Variants in TNR observed in about 807,000 individuals in gnomAD.
The protein encoded by TNR is tenascin R.
In TNR, 45 loss-of-function variants were observed where a neutral mutation model predicts 150.4. The ratio of observed to expected loss-of-function variants is 0.30; its 90% confidence interval spans 0.24 to 0.38. The LOEUF is 0.38. TNR is among the 10% of genes least tolerant of loss of function. TNR has a pLI of 1.00. For missense variants in TNR, 1,544 were observed against 1,759.1 expected (o/e 0.88, Z 2.19); for synonymous variants, 687 against 678.4 (o/e 1.01, Z -0.20).
chr1:175,644,655 C>T (rs902681341), intron 1 of TNR, among the ~76,000 whole-genome samples: 4 of 152,234 alleles, frequency 2.6e-5, no homozygotes, highest in Non-Finnish European at 5.9e-5. Context: ...TGCAACCAGG[C>T]TAGGCAACTC....
chr1:175,669,759 C>T (rs1558064225), intron 1 of TNR, among the ~76,000 whole-genome samples: 1 of 152,096 alleles, frequency 6.6e-6, no homozygotes, highest in Admixed American at 6.6e-5. Flanking sequence ...TGGGAGTAGG[C>T]AAGAACAGAG....
rs57935168 is a variant in TNR, at chr1:175,494,518, GAGGACATGCTTTTGT to G, written c.-64+33736_-64+33750del. Among the ~76,000 whole-genome samples the G allele has an allele frequency of 2.1e-3, 314 of 152,312 alleles. 3 individuals are homozygous for G. Among genetic ancestry groups the G allele is most frequent in the African/African-American group, 7.1e-3 (297 of 41,562 alleles). Reference sequence around the variant, plus strand: ...CAGAGAAACTGCCTGTCTACCTGGGGAGGACATGCTTTTGTAGGGCAGTCACTGACAGCTGAGCGC... The same window carrying G: ...CAGAGAAACTGCCTGTCTACCTGGGGAGGGCAGTCACTGACAGCTGAGCGC... On this transcript the variant is annotated intron_variant, in intron 2 of 22. Coordinates refer to ENST00000367674, the MANE Select transcript of TNR (RefSeq NM_003285.3).
chr1:175,528,530 T>C (rs555261888), intron 1 of TNR, among the ~76,000 whole-genome samples, 161 bp from the exon 2 acceptor site: 1 of 152,374 alleles, frequency 6.6e-6, no homozygotes, highest in East Asian at 1.9e-4. Flanking sequence ...AGTTGCTTTT[T>C]CTCTCCAGAG....
At chr1:175,346,792 A>G (rs1650806647) in intron 18 of TNR, among the ~76,000 whole-genome samples, 1 of 152,056 alleles carries the variant, frequency 6.6e-6, no homozygotes, top group Admixed American at 6.5e-5. Context: ...TTCCTATTCC[A>G]AAAACAAAGA....
At chr1:175,492,539 G>A (rs1029062237) in intron 2 of TNR, among the ~76,000 whole-genome samples, 3 of 152,170 alleles carry the variant, frequency 2.0e-5, no homozygotes, top group Admixed American at 6.5e-5. Flanking sequence ...CCTAGAAAAC[G>A]AGCGGTCACA....
intron 21 of TNR, among the ~76,000 whole-genome samples, chr1:175,327,095 C>T (rs896344677): frequency 2.6e-5 from 4 of 152,038 alleles, no homozygotes; most frequent in Non-Finnish European, 5.9e-5. Context: ...CTTGATTATG[C>T]GGTCTCCACC....
intron 1 of TNR, among the ~76,000 whole-genome samples, chr1:175,728,472 GA>G (rs1329636507): frequency 1.3e-5 from 2 of 152,202 alleles, no homozygotes; most frequent in Non-Finnish European, 2.9e-5. Context: ...TGTGACGAGA[GA>G]GATGGTTTCC....
In TNR at chr1:175,370,338, C is replaced by CTTTTTTTT. The variant is rs55795922; in HGVS notation, c.1964-3049_1964-3042dup. ...GAGAACTATTCCTGGATTTTGAGTA[C>CTTTTTTTT]TTTTTTTTTTTTTTTTTTTTTTTTT... On this transcript the variant is annotated intron_variant, in intron 9 of 22. Transcript: ENST00000367674. 1.6e-3 allele frequency among the ~76,000 whole-genome samples: 68 copies of CTTTTTTTT among 42,972 alleles called. 8 individuals are homozygous for CTTTTTTTT. Among genetic ancestry groups the CTTTTTTTT allele is most frequent in the African/African-American group, 5.2e-3 (61 of 11,802 alleles). 28.2% of individuals were successfully genotyped at this position (42,972 alleles called of 152,430 possible).
intron 1 of TNR, among the ~76,000 whole-genome samples, chr1:175,736,790 G>A (rs572264309): frequency 7.9e-5 from 12 of 151,776 alleles, no homozygotes; most frequent in African/African-American, 2.9e-4. Context: ...AAGGTGGGAG[G>A]ATCACTTAAA....
chr1:175,652,277 T>TA (rs1251541902), intron 1 of TNR, among the ~76,000 whole-genome samples: 2 of 151,318 alleles, frequency 1.3e-5, no homozygotes, highest in Non-Finnish European at 2.9e-5. Flanking sequence ...AAGCAAGACT[T>TA]AAGGGGCACA....
chr1:175,654,582 A>C (rs1665112455), intron 1 of TNR, among the ~76,000 whole-genome samples: 1 of 151,842 alleles, frequency 6.6e-6, no homozygotes, highest in Non-Finnish European at 1.5e-5. Flanking sequence ...TCACTGCTCA[A>C]AGTTTGGTGC....
intron 1 of TNR, among the ~76,000 whole-genome samples, chr1:175,554,892 A>T (rs1008055657): frequency 6.6e-6 from 1 of 152,196 alleles, no homozygotes; most frequent in Non-Finnish European, 1.5e-5. Flanking sequence ...CTCTCATTTT[A>T]TGAATGGAAA....
At position 175,696,236 on chromosome 1, in the gene TNR, TTTTTTTTTC is replaced by T. The variant is rs1480808255; in HGVS notation, c.-165+46981_-165+46989del. Reference sequence around the variant, plus strand: ...CCTGTAGTTTTTTTTTTTTTTTTTTTTTTTTTTTCCAAAATTTAAGGGACCAATCTAGAA... The same window carrying T: ...CCTGTAGTTTTTTTTTTTTTTTTTTTCAAAATTTAAGGGACCAATCTAGAA... On this transcript the variant is annotated intron_variant, in intron 1 of 22. Coordinates refer to ENST00000367674, the MANE Select transcript of TNR (RefSeq NM_003285.3). Among the ~76,000 whole-genome samples, 590 of 148,604 alleles carry T rather than the reference TTTTTTTTTC, an allele frequency of 4.0e-3. 6 individuals are homozygous for T. The highest frequency in any genetic ancestry group is 0.014 in the African/African-American group (556 of 39,498).
At chr1:175,507,710 AT>A (rs1448146769) in intron 2 of TNR, among the ~76,000 whole-genome samples, 2 of 152,106 alleles carry the variant, frequency 1.3e-5, no homozygotes, top group African/African-American at 4.8e-5. Flanking sequence ...AGTTTCTTCT[AT>A]TTGTTTTCAT....
chr1:175,438,242 A>G (rs1655610781), intron 2 of TNR, among the ~76,000 whole-genome samples: 1 of 152,162 alleles, frequency 6.6e-6, no homozygotes, highest in Non-Finnish European at 1.5e-5. Flanking sequence ...ATCAATAAAC[A>G]TAATCCAGCA....
intron 1 of TNR, among the ~76,000 whole-genome samples, chr1:175,716,160 G>A (rs1667150945): frequency 6.6e-6 from 1 of 152,144 alleles, no homozygotes; most frequent in Non-Finnish European, 1.5e-5. Context: ...TGAGCCCTCT[G>A]GTCTTCTCTT....
intron 1 of TNR, among the ~76,000 whole-genome samples, chr1:175,735,787 G>T (rs1339955097): frequency 6.6e-6 from 1 of 152,174 alleles, no homozygotes; most frequent in East Asian, 1.9e-4. Context: ...GTAGAAAAAA[G>T]GAAACCCAAG....
rs187969157 is a variant in TNR, at chr1:175,442,974, T to C, written c.-63-36197A>G. On this transcript the variant is annotated intron_variant, in intron 2 of 22. Coordinates refer to ENST00000367674, the MANE Select transcript of TNR (RefSeq NM_003285.3). The stretch of plus-strand genomic sequence containing the variant: ...TGGTCTTAGAAGGCTGTAATAAGTG[T>C]GAAATGGGTTGTAAAGATAGTAACA... Among the ~76,000 whole-genome samples, 10 of 149,004 alleles carry C rather than the reference T, an allele frequency of 6.7e-5. No individual in the cohort carries two copies. In the East Asian group the frequency reaches 1.9e-3, roughly 29 times the overall value.
chr1:175,556,296 T>A (rs1214480815), intron 1 of TNR, among the ~76,000 whole-genome samples: 1 of 152,228 alleles, frequency 6.6e-6, no homozygotes, highest in African/African-American at 2.4e-5. Flanking sequence ...TAGGCAGTTT[T>A]AGCCACATAT....
Sources: gnomAD v4.1 joint callset for allele counts (sites outside exome capture counted in the v4.1 genomes callset) on GRCh38, gnomAD v4.1.1 for gene constraint, MANE v1.5 for transcripts, NCBI Gene and HGNC (gene_info 2026-07-23, HGNC 2026-07-21) for gene names.